ADGRL3: variants seen among roughly 807,000 people sequenced by gnomAD.
ADGRL3 encodes calcium-independent alpha-latrotoxin receptor 3.
A neutral mutation model predicts 153.5 loss-of-function variants in ADGRL3; 62 were observed. That is an observed-to-expected ratio of 0.40 (90% CI 0.33 to 0.50). The LOEUF (loss-of-function observed/expected upper bound fraction) is 0.50. Ranked by LOEUF, ADGRL3 falls within the 20% of genes least tolerant of loss-of-function variation. The pLI is 0.47. For missense variants in ADGRL3, 1,641 were observed against 1,859.4 expected, an observed-to-expected ratio of 0.88 and a Z score of 2.16; for synonymous variants, 710 against 672.5, an observed-to-expected ratio of 1.06 and a Z score of -0.86.
chr4:62,060,356 A>G (rs1026423406), intron 25 of ADGRL3, among the ~76,000 whole-genome samples: 2 of 152,006 alleles, frequency 1.3e-5, no homozygotes, highest in African/African-American at 2.4e-5. Context: ...ATGTATAGCA[A>G]TGAAGGGAAA....
At position 61,289,110 on chromosome 4, in the gene ADGRL3, T is replaced by C. The variant is rs1378493752; in HGVS notation, c.-240+87345T>C. On this transcript the variant is annotated intron_variant, in intron 1 of 26. Coordinates refer to ENST00000683033, the MANE Select transcript of ADGRL3 (RefSeq NM_001387552.1). ...GTGATGTAGCACAGCGGAGGAATTC[T>C]AGTAACTTGAAACAGACTTATCATA... Among the ~76,000 whole-genome samples the C allele has an allele frequency of 2.0e-5, 3 of 152,028 alleles. No individual in the cohort carries two copies. In the East Asian group the frequency reaches 5.8e-4, roughly 29 times the overall value.
intron 21 of ADGRL3, among the ~76,000 whole-genome samples, chr4:62,005,894 G>A (rs1341360081): frequency 2.1e-5 from 3 of 146,238 alleles, no homozygotes; most frequent in Admixed American, 6.9e-5. Context: ...TGAAAATTGT[G>A]GATATGTTTC....
rs181411382 is a variant in ADGRL3, at chr4:61,783,245, C to A, written c.1400-30564C>A. Among the ~76,000 whole-genome samples, 93 of 152,214 alleles carry A rather than the reference C, an allele frequency of 6.1e-4. 1 individual carries two copies. The highest frequency in any genetic ancestry group is 1.2e-3 in the Non-Finnish European group (80 of 67,984). On this transcript the variant is annotated intron_variant, in intron 8 of 26. Coordinates refer to ENST00000683033, the MANE Select transcript of ADGRL3 (RefSeq NM_001387552.1). ...TTTTGGGATTTCATTATGATTGTGG[C>A]AGATGATGTTACTTTACCTTATCCT...
intron 1 of ADGRL3, among the ~76,000 whole-genome samples, chr4:61,376,717 T>C (rs1295426900): frequency 6.6e-6 from 1 of 152,176 alleles, no homozygotes; most frequent in East Asian, 1.9e-4. Flanking sequence ...TTTTCCTGTC[T>C]ACAGCAGAAT....
chr4:61,437,610 G>T (rs149179902), intron 2 of ADGRL3, among the ~76,000 whole-genome samples: 97 of 152,210 alleles, frequency 6.4e-4, no homozygotes, highest in Non-Finnish European at 1.1e-3. Context: ...TTCAAGCTGC[G>T]TACTGATCTC....
At chr4:61,724,794 T>G (rs776974189) in intron 6 of ADGRL3, among the ~76,000 whole-genome samples, 6 of 152,306 alleles carry the variant, frequency 3.9e-5, no homozygotes, top group Non-Finnish European at 7.4e-5. Flanking sequence ...TTTACTGAAG[T>G]GCTTCTGTAT....
intron 8 of ADGRL3, among the ~76,000 whole-genome samples, chr4:61,795,025 G>A (rs776085166): frequency 6.6e-6 from 1 of 152,164 alleles, no homozygotes; most frequent in Non-Finnish European, 1.5e-5. Flanking sequence ...ATAATTTTAT[G>A]TCAGGCTACT....
chr4:61,369,587 A>G (rs1207905124), intron 1 of ADGRL3, among the ~76,000 whole-genome samples: 1 of 152,000 alleles, frequency 6.6e-6, no homozygotes, highest in Non-Finnish European at 1.5e-5. Context: ...AGCCCACTTG[A>G]TCATGGTGGA....
At chr4:61,692,885 G>A (rs1270832940) in intron 6 of ADGRL3, among the ~76,000 whole-genome samples, 2 of 151,980 alleles carry the variant, frequency 1.3e-5, no homozygotes, top group African/African-American at 2.4e-5. Flanking sequence ...TACCTTTAGC[G>A]TGTTCTTGAC....
At chr4:61,778,710 C>A (rs374438177) in intron 8 of ADGRL3, among the ~76,000 whole-genome samples, 1 of 152,068 alleles carries the variant, frequency 6.6e-6, no homozygotes, top group East Asian at 1.9e-4. Context: ...TGAGTGAATC[C>A]TTTTGATGAG....
At chr4:61,619,297 T>A (rs945642583) in intron 5 of ADGRL3, among the ~76,000 whole-genome samples, 7 of 152,172 alleles carry the variant, frequency 4.6e-5, no homozygotes, top group African/African-American at 4.8e-5. Context: ...TCTACTTTTT[T>A]AAATTGTAAT....
intron 20 of ADGRL3, among the ~76,000 whole-genome samples, chr4:61,997,305 T>G (rs913343935): frequency 6.6e-6 from 1 of 151,638 alleles, no homozygotes; most frequent in African/African-American, 2.4e-5. Context: ...GACAGCCTTA[T>G]GTCAATTCAA....
intron 13 of ADGRL3, among the ~76,000 whole-genome samples, chr4:61,931,549 CG>C (rs1400025296): frequency 6.6e-6 from 1 of 152,120 alleles, no homozygotes; most frequent in Non-Finnish European, 1.5e-5. Flanking sequence ...AGGTACAATT[CG>C]GGGATGTGGT....
At chr4:62,014,031 G>A (rs2099199964) in intron 21 of ADGRL3, among the ~76,000 whole-genome samples, 1 of 152,000 alleles carries the variant, frequency 6.6e-6, no homozygotes, top group Admixed American at 6.6e-5. Context: ...ATCTGGGCTG[G>A]TCATGGGGGA....
rs761858214 is a variant in ADGRL3, at chr4:61,996,243, C to T, written c.3237-48C>T. Reference sequence around the variant, plus strand: ...TCACAGGTTCACTCTTGATGTATGTCCCATACCCAGTCCTTGAATACCTTC... The same window carrying T: ...TCACAGGTTCACTCTTGATGTATGTTCCATACCCAGTCCTTGAATACCTTC... On this transcript the variant is annotated intron_variant, in intron 19 of 26. Transcript: ENST00000683033. 4.1e-6 allele frequency: 5 copies of T among 1,219,666 alleles called. No homozygotes were observed. The Admixed American group carries it at 8.5e-5, about 21-fold the overall frequency. The allele number at this position is 1,219,666 out of a possible 1,614,324, so 75.6% of individuals were successfully genotyped here.
At chr4:61,556,491 A>T (rs948298879) in intron 4 of ADGRL3, among the ~76,000 whole-genome samples, 3 of 152,122 alleles carry the variant, frequency 2.0e-5, no homozygotes, top group Non-Finnish European at 4.4e-5. Flanking sequence ...GGACCTGCAG[A>T]AAATGAGAGG....
chr4:61,639,537 G>A (rs571994049), intron 5 of ADGRL3, among the ~76,000 whole-genome samples: 9 of 151,970 alleles, frequency 5.9e-5, no homozygotes, highest in Non-Finnish European at 7.4e-5. Context: ...CATAGGAAAG[G>A]GTGACTATAA....
intron 8 of ADGRL3, among the ~76,000 whole-genome samples, chr4:61,768,391 C>G (rs184401975): frequency 6.6e-6 from 1 of 151,728 alleles, no homozygotes. Context: ...AAAGACTCAG[C>G]GACGCTTGGG....
intron 2 of ADGRL3, among the ~76,000 whole-genome samples, chr4:61,390,840 C>G (rs2096793668): frequency 6.6e-6 from 1 of 152,126 alleles, no homozygotes. Flanking sequence ...TGCCTCTGCC[C>G]CTAACTCCCC....
Sources: gnomAD v4.1 joint callset for allele counts (sites outside exome capture counted in the v4.1 genomes callset) on GRCh38, gnomAD v4.1.1 for gene constraint, MANE v1.5 for transcripts, NCBI Gene and HGNC (gene_info 2026-07-23, HGNC 2026-07-21) for gene names.